The following CNBD1 variants were observed in gnomAD, a reference collection of about 807,000 sequenced individuals.
The protein encoded by CNBD1 is cyclic nucleotide binding domain containing 1, also known as cyclic nucleotide-binding domain-containing protein 1.
A neutral mutation model predicts 54.4 loss-of-function variants in CNBD1; 71 were observed. The observed-to-expected ratio is 1.30, with a 90% CI of 1.08 to 1.59. CNBD1 has a LOEUF of 1.59. CNBD1 is among the 40% of genes most tolerant of loss of function. CNBD1 has a pLI of 0.00. For missense variants in CNBD1, 659 were observed against 518.0 expected (o/e 1.27, Z -2.64); for synonymous variants, 182 against 170.7 (o/e 1.07, Z -0.51).
chr8:87,268,151 G>A (rs771551673), intron 6 of CNBD1, among the ~76,000 whole-genome samples: 1 of 151,984 alleles, frequency 6.6e-6, no homozygotes, highest in Admixed American at 6.6e-5. Flanking sequence ...TCCCATATTT[G>A]TGTCCATGTG....
chr8:86,999,522 C>T (rs1003005636), intron 4 of CNBD1, among the ~76,000 whole-genome samples: 4 of 150,872 alleles, frequency 2.7e-5, no homozygotes, highest in Non-Finnish European at 4.4e-5. Context: ...CCTGAAAGAA[C>T]ACCCACTCTG....
chr8:87,366,948 C>T (rs1810653981), intron 10 of CNBD1, among the ~76,000 whole-genome samples: 1 of 151,986 alleles, frequency 6.6e-6, no homozygotes, highest in South Asian at 2.1e-4. Flanking sequence ...TTTTGGATAT[C>T]CCTTAATATT....
intron 4 of CNBD1, among the ~76,000 whole-genome samples, chr8:87,156,475 C>G (rs780186108): frequency 1.4e-5 from 2 of 141,012 alleles, no homozygotes; most frequent in African/African-American, 3.1e-5. Flanking sequence ...AACCCCTGAC[C>G]TCAAGTGATT....
At chr8:87,250,842 G>A (rs950069116) in intron 6 of CNBD1, among the ~76,000 whole-genome samples, 2 of 152,154 alleles carry the variant, frequency 1.3e-5, no homozygotes, top group African/African-American at 2.4e-5. Context: ...CAGGGATTGG[G>A]GGATAAAGTG....
intron 4 of CNBD1, among the ~76,000 whole-genome samples, chr8:86,966,568 A>G (rs1324033812): frequency 3.5e-4 from 53 of 151,974 alleles, no homozygotes; most frequent in Admixed American, 3.5e-3. Context: ...GCACATCCAG[A>G]GTTGTTCATT....
chr8:86,883,620 CA>C (rs1404098241), intron 1 of CNBD1, among the ~76,000 whole-genome samples: 1 of 151,992 alleles, frequency 6.6e-6, no homozygotes, highest in Non-Finnish European at 1.5e-5. Context: ...GAAGAAACTT[CA>C]GTATCAAACA....
intron 4 of CNBD1, among the ~76,000 whole-genome samples, chr8:86,999,948 G>A (rs1458869494): frequency 6.6e-6 from 1 of 152,092 alleles, no homozygotes. Context: ...GCATTATTTT[G>A]CTGGCCTTAG....
intron 6 of CNBD1, among the ~76,000 whole-genome samples, chr8:87,256,336 T>C (rs1303599978): frequency 6.6e-6 from 1 of 151,680 alleles, no homozygotes; most frequent in Non-Finnish European, 1.5e-5. Context: ...AATATACTTT[T>C]AAATTAAGAG....
chr8:87,319,126 A>G (rs1190845801), intron 8 of CNBD1, among the ~76,000 whole-genome samples: 4 of 152,114 alleles, frequency 2.6e-5, no homozygotes, highest in Admixed American at 2.6e-4. Flanking sequence ...TGGCCCCTCA[A>G]TGCTGAGAGC....
intron 2 of CNBD1, among the ~76,000 whole-genome samples, chr8:87,426,497 A>T (rs1808053500): frequency 6.6e-6 from 1 of 152,198 alleles, no homozygotes; most frequent in Non-Finnish European, 1.5e-5. Flanking sequence ...ATTCTGCACA[A>T]TTCTGTGTTG....
At chr8:87,060,012 G>C (rs546364540) in intron 4 of CNBD1, among the ~76,000 whole-genome samples, 1 of 152,310 alleles carries the variant, frequency 6.6e-6, no homozygotes, top group South Asian at 2.1e-4. Context: ...ACAGCATCTG[G>C]ACCCTCTGCC....
intron 10 of CNBD1, among the ~76,000 whole-genome samples, chr8:87,377,087 TTTC>T (rs1191082341): frequency 7.0e-6 from 1 of 143,544 alleles, no homozygotes; most frequent in African/African-American, 2.8e-5. Context: ...TTTTATTTTA[TTTC>T]TTATTTTTAT....
intron 6 of CNBD1, among the ~76,000 whole-genome samples, chr8:87,274,191 T>A (rs1209756203): frequency 2.0e-5 from 3 of 151,620 alleles, no homozygotes; most frequent in East Asian, 3.9e-4. Context: ...TTGGGTTGGT[T>A]CCAAGTCTTT....
chr8:87,422,760 C>T (rs1408990511), intron 2 of CNBD1, among the ~76,000 whole-genome samples: 1 of 152,122 alleles, frequency 6.6e-6, no homozygotes, highest in African/African-American at 2.4e-5. Context: ...GATGCGGGCT[C>T]TTTTTTGGTT....
intron 8 of CNBD1, among the ~76,000 whole-genome samples, chr8:87,320,100 A>G (rs577172202): frequency 3.3e-5 from 5 of 152,204 alleles, no homozygotes; most frequent in South Asian, 2.1e-4. Flanking sequence ...TTTGCATTGC[A>G]TGACATTGTG....
chr8:87,008,316 T>C (rs1809144322), intron 4 of CNBD1, among the ~76,000 whole-genome samples: 1 of 152,172 alleles, frequency 6.6e-6, no homozygotes, highest in South Asian at 2.1e-4. Flanking sequence ...GTTTTATGGG[T>C]TCTTTGTTAC....
intron 6 of CNBD1, among the ~76,000 whole-genome samples, chr8:87,260,962 G>A (rs532211872): frequency 8.7e-4 from 132 of 152,052 alleles, no homozygotes; most frequent in African/African-American, 3.1e-3. Flanking sequence ...TCCTACCTAA[G>A]CATGCAAGAA....
chr8:87,349,956 G>A (rs914907195), intron 8 of CNBD1, among the ~76,000 whole-genome samples: 1 of 152,088 alleles, frequency 6.6e-6, no homozygotes, highest in Non-Finnish European at 1.5e-5. Context: ...GACCTACATA[G>A]GGTTTGACTT....
chr8:87,324,130 G>T (rs1809607330), intron 8 of CNBD1, among the ~76,000 whole-genome samples: 2 of 124,034 alleles, frequency 1.6e-5, no homozygotes, highest in South Asian at 4.8e-4. Flanking sequence ...TATTGAACCA[G>T]CCTTGCATCC....
Sources: gnomAD v4.1 joint callset for allele counts (sites outside exome capture counted in the v4.1 genomes callset) on GRCh38, gnomAD v4.1.1 for gene constraint, MANE v1.5 for transcripts, NCBI Gene and HGNC (gene_info 2026-07-23, HGNC 2026-07-21) for gene names.